PCDH17: variants seen among roughly 807,000 people sequenced by gnomAD.
PCDH17 encodes the protein protocadherin 17.
In PCDH17, 21 loss-of-function variants were observed where a neutral mutation model predicts 67.7. That is an observed-to-expected ratio of 0.31 (90% CI 0.22 to 0.45). The LOEUF (loss-of-function observed/expected upper bound fraction) is 0.45. PCDH17 is among the 20% of genes least tolerant of loss of function. The pLI, the probability that PCDH17 is intolerant of heterozygous loss-of-function variation, is 1.00. For missense variants in PCDH17, 1,471 were observed against 1,564.8 expected (o/e 0.94, Z 1.01); for synonymous variants, 701 against 656.7 (o/e 1.07, Z -1.03).
intron 3 of PCDH17, among the ~76,000 whole-genome samples, chr13:57,670,618 A>C (rs1955308583): frequency 6.6e-6 from 1 of 151,006 alleles, no homozygotes; most frequent in African/African-American, 2.4e-5. Flanking sequence ...TAGAAAAATA[A>C]TGTTTTATAT....
intron 1 of PCDH17, among the ~76,000 whole-genome samples, chr13:57,648,557 A>G (rs761411763): frequency 1.3e-5 from 2 of 152,006 alleles, no homozygotes; most frequent in Non-Finnish European, 2.9e-5. Flanking sequence ...ATAAAGGCTT[A>G]ATGGGCAAGT....
chr13:57,643,056 G>A (rs1954923154), intron 1 of PCDH17, among the ~76,000 whole-genome samples: 1 of 151,416 alleles, frequency 6.6e-6, no homozygotes, highest in African/African-American at 2.4e-5. Flanking sequence ...TTTTAGCAGT[G>A]TATACTGAGA....
intron 1 of PCDH17, among the ~76,000 whole-genome samples, chr13:57,651,884 A>G (rs1955045143): frequency 6.6e-6 from 1 of 152,184 alleles, no homozygotes. Flanking sequence ...ATTCTGGTGC[A>G]GTTAAACTTT....
rs148033092 is a variant in PCDH17, at chr13:57,685,141, G to C, written c.2797+18308G>C. The stretch of plus-strand genomic sequence containing the variant: ...TTAAAATCTTCAAAGATAAATAGAT[G>C]TGATAGATAGTAATTAGTATGTTAT... On this transcript the variant is annotated intron_variant, in intron 3 of 3. Coordinates refer to ENST00000377918, the MANE Select transcript of PCDH17 (RefSeq NM_001040429.3). Among the ~76,000 whole-genome samples the C allele has an allele frequency of 1.6e-3, 248 of 152,056 alleles. 5 individuals carry two copies. In the East Asian group the frequency reaches 0.03, roughly 18 times the overall value.
At chr13:57,630,571 T>C (rs900279787), upstream of PCDH17, among the ~76,000 whole-genome samples, 1 of 151,966 alleles carries the variant, frequency 6.6e-6, no homozygotes, top group Non-Finnish European at 1.5e-5. Flanking sequence ...TTAAAAAAAA[T>C]AAACAAAATA....
At chr13:57,665,835 T>C (rs1955246244) in intron 1 of PCDH17, among the ~76,000 whole-genome samples, 1 of 152,192 alleles carries the variant, frequency 6.6e-6, no homozygotes, top group African/African-American at 2.4e-5. Flanking sequence ...ATTTTTGTTT[T>C]GCTTTGTTTT....
At chr13:57,649,148 C>A (rs994380400) in intron 1 of PCDH17, among the ~76,000 whole-genome samples, 2 of 151,992 alleles carry the variant, frequency 1.3e-5, no homozygotes, top group Non-Finnish European at 2.9e-5. Flanking sequence ...CCTTGTAATC[C>A]CATTTCACAG....
At chr13:57,645,440 G>A (rs1028860887) in intron 1 of PCDH17, among the ~76,000 whole-genome samples, 5 of 151,550 alleles carry the variant, frequency 3.3e-5, no homozygotes, top group South Asian at 2.1e-4. Context: ...AAATCTAGAT[G>A]TGACTAAGGC....
chr13:57,711,321 G>T (rs1342695737), intron 3 of PCDH17, among the ~76,000 whole-genome samples: 4 of 151,844 alleles, frequency 2.6e-5, no homozygotes, highest in Non-Finnish European at 4.4e-5. Context: ...AAGAAACACA[G>T]AGCTAGTGTT....
intron 3 of PCDH17, among the ~76,000 whole-genome samples, chr13:57,718,806 T>C (rs1214093717): frequency 6.6e-6 from 1 of 151,908 alleles, no homozygotes; most frequent in African/African-American, 2.4e-5. Context: ...TTTGTTGTGG[T>C]CATAGAAAAA....
At chr13:57,655,429 T>C (rs1038592787) in intron 1 of PCDH17, among the ~76,000 whole-genome samples, 7 of 152,028 alleles carry the variant, frequency 4.6e-5, no homozygotes, top group Non-Finnish European at 8.8e-5. Context: ...GATGGAAATA[T>C]ATAACAGACT....
At chr13:57,681,061 C>G (rs1955444384) in intron 3 of PCDH17, among the ~76,000 whole-genome samples, 1 of 151,710 alleles carries the variant, frequency 6.6e-6, no homozygotes, top group African/African-American at 2.4e-5. Context: ...TTAAACACAT[C>G]TCTCCTCAAG....
chr13:57,715,510 G>T (rs1185563862), intron 3 of PCDH17, among the ~76,000 whole-genome samples: 2 of 151,764 alleles, frequency 1.3e-5, no homozygotes, highest in Non-Finnish European at 2.9e-5. Context: ...AATAAGGAAT[G>T]CAGAGTAATG....
At chr13:57,666,886 AAACCT>A (rs1356715583) in intron 3 of PCDH17, 53 bp downstream of exon 3, 22 of 1,411,416 alleles carry the variant, frequency 1.6e-5, no homozygotes, top group Non-Finnish European at 2.1e-5. Context: ...CAGTCATTAT[AAACCT>A]ATTAGATCTA....
rs747064193 is a variant in PCDH17, at chr13:57,728,365, C to G, written c.*3071C>G. ...AATTCATATCTTTCAAGTACTAACC[C>G]CTCAAAAAAGCCCACACATACAAAA... On this transcript the variant is annotated 3_prime_UTR_variant, in exon 4 of 4. Coordinates refer to ENST00000377918, the MANE Select transcript of PCDH17 (RefSeq NM_001040429.3). The G allele has an allele frequency of 1.3e-4, 19 of 151,336 alleles. No homozygotes were observed. The highest frequency in any genetic ancestry group is 2.2e-4 in the Non-Finnish European group (15 of 67,800). 9.4% of individuals were successfully genotyped at this position (151,336 alleles called of 1,614,324 possible).
chr13:57,659,850 C>A (rs755662002), intron 1 of PCDH17, among the ~76,000 whole-genome samples: 2 of 152,056 alleles, frequency 1.3e-5, no homozygotes, highest in Non-Finnish European at 2.9e-5. Flanking sequence ...TACTTTGCAA[C>A]AAGTGCAGTT....
chr13:57,668,611 G>C (rs1291577150), intron 3 of PCDH17, among the ~76,000 whole-genome samples: 1 of 151,828 alleles, frequency 6.6e-6, no homozygotes, highest in East Asian at 1.9e-4. Flanking sequence ...TTTCAATTTT[G>C]ATATTGAAAA....
chr13:57,711,999 GA>G (rs1479200174), intron 3 of PCDH17, among the ~76,000 whole-genome samples: 1 of 151,286 alleles, frequency 6.6e-6, no homozygotes, highest in Admixed American at 6.6e-5. Context: ...TACTCAATAA[GA>G]AAAAAGCCTA....
chr13:57,714,789 T>C (rs1364018972), intron 3 of PCDH17, among the ~76,000 whole-genome samples: 3 of 151,688 alleles, frequency 2.0e-5, no homozygotes, highest in Non-Finnish European at 4.4e-5. Flanking sequence ...TTGGCTAAAG[T>C]GTAAGATACA....
Sources: gnomAD v4.1 joint callset for allele counts (sites outside exome capture counted in the v4.1 genomes callset) on GRCh38, gnomAD v4.1.1 for gene constraint, MANE v1.5 for transcripts, NCBI Gene and HGNC (gene_info 2026-07-23, HGNC 2026-07-21) for gene names.